The following PGAP1 variants were observed in gnomAD, a reference collection of about 807,000 sequenced individuals.
PGAP1 encodes GPI inositol-deacylase.
In PGAP1, 76 loss-of-function variants were observed where a neutral mutation model predicts 127.0. That is an observed-to-expected ratio of 0.60 (90% confidence interval 0.50 to 0.72). PGAP1 has a LOEUF of 0.72. Among genes scored for constraint, PGAP1 ranks in the 30% least tolerant of loss-of-function variants. The pLI is 0.00. For missense variants in PGAP1, 982 were observed against 1,071.3 expected (o/e 0.92, Z 1.16); for synonymous variants, 362 against 366.5 (o/e 0.99, Z 0.14).
intron 17 of PGAP1, 60 bp from the exon 18 acceptor site, chr2:196,872,609 T>C: frequency 8.4e-7 from 1 of 1,192,686 alleles, no homozygotes; most frequent in Non-Finnish European, 1.2e-6. Context: ...GAGCCATGGC[T>C]AAGTTAATCC....
intron 20 of PGAP1, among the ~76,000 whole-genome samples, chr2:196,858,103 T>A (rs974638741): frequency 1.3e-4 from 20 of 152,216 alleles, no homozygotes; most frequent in South Asian, 6.2e-4. Flanking sequence ...AAATTTTTTT[T>A]AAAAAATTTG....
intron 20 of PGAP1, among the ~76,000 whole-genome samples, chr2:196,859,531 C>T (rs1354682498): frequency 6.6e-6 from 1 of 151,920 alleles, no homozygotes; most frequent in Non-Finnish European, 1.5e-5. Context: ...CAGCATAACC[C>T]TGACACCAAA....
At chr2:196,870,057 A>T (rs2125797722) in intron 19 of PGAP1, among the ~76,000 whole-genome samples, 1 of 152,344 alleles carries the variant, frequency 6.6e-6, no homozygotes, top group Admixed American at 6.5e-5. Flanking sequence ...TGTGCAAATT[A>T]TAGTGATGCT....
chr2:196,921,201 A>AAC (rs1295757927), intron 1 of PGAP1, among the ~76,000 whole-genome samples: 9 of 150,212 alleles, frequency 6.0e-5, no homozygotes, highest in African/African-American at 2.2e-4. Context: ...AAAAAAAAAA[A>AAC]ACACACACAC....
chr2:196,922,906 T>C (rs1411251214), intron 1 of PGAP1, among the ~76,000 whole-genome samples: 1 of 151,894 alleles, frequency 6.6e-6, no homozygotes, highest in East Asian at 1.9e-4. Context: ...TCCAGGCTGG[T>C]CTTGAACTCC....
chr2:196,845,129 A>G (rs1405200500), intron 23 of PGAP1, among the ~76,000 whole-genome samples: 1 of 152,006 alleles, frequency 6.6e-6, no homozygotes, highest in Admixed American at 6.6e-5. Context: ...GAATTACCTA[A>G]TTTAAAAAAT....
rs890861922 is a variant in PGAP1, at chr2:196,838,633, T to C, written c.*2601A>G. On this transcript the variant is annotated 3_prime_UTR_variant, in exon 27 of 27. Coordinates refer to ENST00000354764, the MANE Select transcript of PGAP1 (RefSeq NM_024989.4). ...ATAAAATGTTTAATTAGAATCATTT[T>C]TGTAGTCCTTAAAATGAAATTTTTT... 6.6e-6 allele frequency: 1 copy of C among 152,236 alleles called. No homozygotes were observed. The highest frequency in any genetic ancestry group is 1.5e-5 in the Non-Finnish European group (1 of 68,040). 9.4% of individuals were successfully genotyped at this position (152,236 alleles called of 1,614,324 possible).
At chr2:196,899,850 A>T (rs112620906) in intron 5 of PGAP1, among the ~76,000 whole-genome samples, 1 of 152,198 alleles carries the variant, frequency 6.6e-6, no homozygotes, top group African/African-American at 2.4e-5. Context: ...CCTGGCTAAC[A>T]TGGTGAAACC....
chr2:196,902,730 G>A lies in PGAP1; in HGVS notation c.662C>T (p.Thr221Ile). The part of the protein sequence containing the change: ...LDRFITDFYT[T>I]VNNYWILNAR... ...ATTTAGAATCCAATAGTTGTTTACAGTCGTATAAAAATCTGGTGGGGAATA... is the reference window on the plus strand; with the variant it reads ...ATTTAGAATCCAATAGTTGTTTACAATCGTATAAAAATCTGGTGGGGAATA... Residue 221 changes from threonine (T) to isoleucine (I), a missense_variant, in exon 5 of 27, where the codon ACT (threonine) becomes ATT (isoleucine). Coordinates refer to ENST00000354764, the MANE Select transcript of PGAP1 (RefSeq NM_024989.4). The A allele has an allele frequency of 8.1e-6, 13 of 1,601,816 alleles. No homozygotes were observed. The highest frequency in any genetic ancestry group is 1.1e-5 in the Non-Finnish European group (13 of 1,174,888).
At chr2:196,897,280 G>A (rs1343345699) in intron 6 of PGAP1, 83 bp from the exon 7 acceptor site, 7 of 805,572 alleles carry the variant, frequency 8.7e-6, no homozygotes, top group Non-Finnish European at 1.1e-5. Context: ...CTATTGTTTA[G>A]TGGAACATTT....
At chr2:196,870,450 G>A (rs1403653386) in intron 19 of PGAP1, among the ~76,000 whole-genome samples, 1 of 151,844 alleles carries the variant, frequency 6.6e-6, no homozygotes, top group Non-Finnish European at 1.5e-5. Flanking sequence ...GTGTATGCCA[G>A]CACGCCTGGC....
At chr2:196,862,238 G>C (rs966263622) in intron 20 of PGAP1, among the ~76,000 whole-genome samples, 1 of 151,976 alleles carries the variant, frequency 6.6e-6, no homozygotes, top group African/African-American at 2.4e-5. Context: ...GGGTGTGGCC[G>C]TCTTTTATGG....
chr2:196,888,230 C>A, intron 10 of PGAP1, among the ~76,000 whole-genome samples: 1 of 152,076 alleles, frequency 6.6e-6, no homozygotes. Context: ...TGCTACTGAT[C>A]AAAAATTTAT....
At chr2:196,897,578 A>G (rs1291199910) in intron 6 of PGAP1, among the ~76,000 whole-genome samples, 1 of 152,176 alleles carries the variant, frequency 6.6e-6, no homozygotes, top group Non-Finnish European at 1.5e-5. Context: ...ACACAATGAG[A>G]TAAATATATC....
chr2:196,849,627 C>T (rs114243348), intron 20 of PGAP1, among the ~76,000 whole-genome samples: 1,533 of 152,032 alleles, frequency 0.01, 23 homozygotes, highest in African/African-American at 0.035. Context: ...CTGAATATTG[C>T]TTACCACTTC....
At chr2:196,905,024 A>T (rs965308368) in intron 4 of PGAP1, among the ~76,000 whole-genome samples, 5 of 152,212 alleles carry the variant, frequency 3.3e-5, no homozygotes, top group African/African-American at 1.2e-4. Flanking sequence ...GTAAAATAAA[A>T]AGAATAAATA....
At chr2:196,866,156 A>G (rs1490741041) in intron 19 of PGAP1, among the ~76,000 whole-genome samples, 1 of 152,258 alleles carries the variant, frequency 6.6e-6, no homozygotes, top group African/African-American at 2.4e-5. Context: ...AAGAGCCAGC[A>G]TAGCCAAGAC....
At chr2:196,919,716 T>C (rs1282610830) in intron 2 of PGAP1, among the ~76,000 whole-genome samples, 2 of 152,204 alleles carry the variant, frequency 1.3e-5, no homozygotes, top group Non-Finnish European at 2.9e-5. Flanking sequence ...CCTCTGCTGA[T>C]TCCCCAAGGG....
rs893443843 is a variant in PGAP1, at chr2:196,833,501, G to A, written c.*7733C>T. ...GAGTCTATCTCAGCATAACACATAG[G>A]TTGTCCTCTATAAATTTTTTAACTA... On this transcript the variant is annotated 3_prime_UTR_variant, in exon 27 of 27. Coordinates refer to ENST00000354764, the MANE Select transcript of PGAP1 (RefSeq NM_024989.4). The A allele has an allele frequency of 6.6e-6, 1 of 152,062 alleles. No homozygotes were observed. The highest frequency in any genetic ancestry group is 2.4e-5 in the African/African-American group (1 of 41,430). 9.4% of individuals were successfully genotyped at this position (152,062 alleles called of 1,614,324 possible).
Sources: allele counts gnomAD v4.1 joint callset (sites outside exome capture counted in the v4.1 genomes callset), GRCh38; gene constraint gnomAD v4.1.1; transcripts MANE v1.5; gene names NCBI Gene and HGNC (gene_info 2026-07-23, HGNC 2026-07-21).